The following MAB21L4 variants were observed in gnomAD, a reference collection of about 807,000 sequenced individuals.
The protein encoded by MAB21L4 is protein mab-21-like 4.
MAB21L4 carries 25 observed loss-of-function variants against 32.4 expected under a neutral mutation model. The observed-to-expected ratio is 0.77, with a 90% CI of 0.56 to 1.08. The LOEUF (loss-of-function observed/expected upper bound fraction) is 1.08. Among genes scored for constraint, MAB21L4 ranks in the 50% least tolerant of loss-of-function variants. The pLI is 0.00. For synonymous variants in MAB21L4, 280 were observed against 276.8 expected, an observed-to-expected ratio of 1.01 and a Z score of -0.11; for missense variants, 638 against 611.0, an observed-to-expected ratio of 1.04 and a Z score of -0.47.
chr2:240,891,522 A>C lies in MAB21L4; in HGVS notation c.740+16T>G, dbSNP rs1179291324. ...CCCCCTCCCCAAGAACCTTGTGACC[A>C]GGAGGGTGCGCCTACCTCCAGAGCT... On this transcript the variant is annotated intron_variant, in intron 2 of 4. Coordinates refer to ENST00000388934, the MANE Select transcript of MAB21L4 (RefSeq NM_001085437.3). The C allele has an allele frequency of 1.3e-6, 2 of 1,590,372 alleles. No individual in the cohort carries two copies. The highest frequency in any genetic ancestry group is 4.5e-5 in the East Asian group (2 of 44,552).
At chr2:240,892,245 C>G (rs2059156902) in intron 1 of MAB21L4, among the ~76,000 whole-genome samples, 2 of 152,294 alleles carry the variant, frequency 1.3e-5, no homozygotes, top group Admixed American at 6.5e-5. Flanking sequence ...GGGGAGGAGG[C>G]AGCAGCAGTC....
chr2:240,891,588 C>G lies in MAB21L4; in HGVS notation c.690G>C (p.Arg230Ser). The G allele has an allele frequency of 6.2e-7, 1 of 1,610,468 alleles. No homozygotes were observed. The highest frequency in any genetic ancestry group is 8.5e-7 in the Non-Finnish European group (1 of 1,179,820). Residue 230 changes from arginine to serine, a missense_variant, in exon 2 of 5, where the codon AGG becomes AGC. Arg to Ser is a moderately radical substitution (Grantham distance 110). Coordinates refer to ENST00000388934, the MANE Select transcript of MAB21L4 (RefSeq NM_001085437.3). The part of the protein sequence containing the change: ...MPGFPEGSLR[R>S]ILSQGVDLVP... ...CCAGGTCCACCCCTTGGCTGAGGAT[C>G]CTTCTCAAGCTGCCCTCAGGGAATC...
At chr2:240,891,229 A>C (rs4675864) in intron 2 of MAB21L4, among the ~76,000 whole-genome samples, 28,397 of 152,028 alleles carry the variant, frequency 0.19, 2,820 homozygotes, top group East Asian at 0.31. Flanking sequence ...CTGACCTCTC[A>C]GCTATTTTCC....
rs1156810904 is a variant in MAB21L4 at position 240,895,666 on chromosome 2, A to G, written c.332T>C (p.Leu111Pro). Residue 111 changes from leucine (L) to proline (P), a missense_variant, in exon 1 of 5, where the codon CTG (leucine) becomes CCG (proline). Coordinates refer to ENST00000388934, the MANE Select transcript of MAB21L4 (RefSeq NM_001085437.3). The part of the protein sequence containing the change: ...QPEDGLELCH[L>P]GVPREGAGLE... Reference sequence around the variant, plus strand: ...GCCAGCCCCTTCCCTGGGCACACCCAGGTGGCATAATTCAAGGCCATCCTC... The same window carrying G: ...GCCAGCCCCTTCCCTGGGCACACCCGGGTGGCATAATTCAAGGCCATCCTC... The G allele has an allele frequency of 6.2e-7, 1 of 1,612,938 alleles. No homozygotes were observed. The highest frequency in any genetic ancestry group is 8.5e-7 in the Non-Finnish European group (1 of 1,180,008).
intron 3 of MAB21L4, among the ~76,000 whole-genome samples, chr2:240,889,188 C>G (rs1243701592): frequency 6.6e-6 from 1 of 152,230 alleles, no homozygotes; most frequent in African/African-American, 2.4e-5. Context: ...TTCAAACCCT[C>G]TTCTCCCATG....
intron 1 of MAB21L4, chr2:240,892,130 C>T: frequency 1.6e-6 from 2 of 1,243,604 alleles, no homozygotes; most frequent in Non-Finnish European, 2.1e-6. Context: ...CCCAGGCCTT[C>T]CTGAGCCTGC....
intron 4 of MAB21L4, among the ~76,000 whole-genome samples, chr2:240,887,616 C>G (rs2059106817): frequency 6.6e-6 from 1 of 152,228 alleles, no homozygotes; most frequent in South Asian, 2.1e-4. Context: ...TAGGAGATGC[C>G]CAGCAGAGGG....
chr2:240,891,858 C>G, intron 1 of MAB21L4, 95 bp from the exon 2 acceptor site: 2 of 1,582,658 alleles, frequency 1.3e-6, no homozygotes, highest in Non-Finnish European at 1.7e-6. Flanking sequence ...GCCCCTGCCC[C>G]TCATCACCTC....
chr2:240,894,496 G>C (rs1162579279), intron 1 of MAB21L4, among the ~76,000 whole-genome samples: 1 of 152,130 alleles, frequency 6.6e-6, no homozygotes, highest in Non-Finnish European at 1.5e-5. Context: ...ACTCACCCTG[G>C]ACCATATCAA....
upstream of MAB21L4, among the ~76,000 whole-genome samples, chr2:240,896,538 G>A (rs2059188566): frequency 6.6e-6 from 1 of 152,186 alleles, no homozygotes; most frequent in African/African-American, 2.4e-5. Flanking sequence ...GTGAGGAAGG[G>A]GAGGCAGGGC....
chr2:240,887,058 AG>A lies in MAB21L4; in HGVS notation c.*11del. On this transcript the variant is annotated 3_prime_UTR_variant, in exon 5 of 5. Transcript: ENST00000388934. Reference sequence around the variant, plus strand: ...GAGCCAAGAACAGGTGGCTGAGACCAGGTGGCCCAGCTCAGCTCTCCTCGCC... The same window carrying A: ...GAGCCAAGAACAGGTGGCTGAGACCAGTGGCCCAGCTCAGCTCTCCTCGCC... The A allele has an allele frequency of 1.2e-6, 2 of 1,608,842 alleles. No homozygotes were observed. The highest frequency in any genetic ancestry group is 1.7e-6 in the Non-Finnish European group (2 of 1,175,314).
At chr2:240,891,919 AC>A in intron 1 of MAB21L4, 156 bp from the exon 2 acceptor site, 2 of 1,570,824 alleles carry the variant, frequency 1.3e-6, no homozygotes, top group Non-Finnish European at 8.6e-7. Context: ...CAGCTCCCCA[AC>A]CCCAGACACC....
chr2:240,894,797 C>CACAA (rs61681925), intron 1 of MAB21L4, among the ~76,000 whole-genome samples: 20,454 of 150,942 alleles, frequency 0.14, 1,682 homozygotes, highest in Non-Finnish European at 0.19. Context: ...GACTCAGTCT[C>CACAA]ACAAACAAAC....
intron 1 of MAB21L4, among the ~76,000 whole-genome samples, chr2:240,893,308 G>T (rs1163482197): frequency 6.6e-6 from 1 of 152,218 alleles, no homozygotes; most frequent in Non-Finnish European, 1.5e-5. Flanking sequence ...CAGTTCTGGG[G>T]ACGCCTCTGG....
chr2:240,891,641 C>T lies in MAB21L4; in HGVS notation c.637G>A (p.Ala213Thr). 1 of 1,609,100 alleles carries T rather than the reference C, an allele frequency of 6.2e-7. No individual in the cohort carries two copies. Among genetic ancestry groups the T allele is most frequent in the Non-Finnish European group, 8.5e-7 (1 of 1,179,972 alleles). ...GGCATCTGCTGCACCCCCTCCAGGG[C>T]AGGCGCCCCAAGCTTCCTTCTCACC... ...PVVRRKLGAP[A>T]LEGVQQMPGF... Residue 213 changes from alanine to threonine, a missense_variant, in exon 2 of 5, where the codon GCC (alanine) becomes ACC (threonine). By Grantham distance (58) the Ala-to-Thr change is moderately conservative. Coordinates refer to ENST00000388934, the MANE Select transcript of MAB21L4 (RefSeq NM_001085437.3).
intron 3 of MAB21L4, among the ~76,000 whole-genome samples, chr2:240,889,558 T>C (rs1442203637): frequency 2.0e-5 from 3 of 152,164 alleles, no homozygotes; most frequent in Non-Finnish European, 4.4e-5. Flanking sequence ...AAGGACAGGG[T>C]TCTGCAGAAT....
At chr2:240,887,257 CTCCCT>C in intron 4 of MAB21L4, 95 bp from the exon 5 acceptor site, 4 of 1,033,888 alleles carry the variant, frequency 3.9e-6, no homozygotes, top group Non-Finnish European at 6.0e-6. Flanking sequence ...ACAACTGGCC[CTCCCT>C]GGGCCATGCC....
chr2:240,895,741 C>T lies in MAB21L4; in HGVS notation c.257G>A (p.Trp86Ter). The change falls in exon 1 of 5, where the codon TGG becomes TAG. Residue 86 changes from tryptophan (W) to a stop codon, truncating the protein, a stop_gained. Coordinates refer to ENST00000388934, the MANE Select transcript of MAB21L4 (RefSeq NM_001085437.3). LOFTEE classifies it high-confidence loss of function. ...AATCAGTAGAGCCTCGGCATCCACCCACAGGGGCACCTCCATGTCCATTGG... is the reference window on the plus strand; with the variant it reads ...AATCAGTAGAGCCTCGGCATCCACCTACAGGGGCACCTCCATGTCCATTGG... ...EDPMDMEVPL[W>*]VDAEALLIEE... The T allele has an allele frequency of 1.2e-6, 2 of 1,612,908 alleles. No individual in the cohort carries two copies. Among genetic ancestry groups the T allele is most frequent in the South Asian group, 1.1e-5 (1 of 91,072 alleles).
chr2:240,894,723 T>C (rs1160747279), intron 1 of MAB21L4, among the ~76,000 whole-genome samples: 1 of 152,172 alleles, frequency 6.6e-6, no homozygotes, highest in Non-Finnish European at 1.5e-5. Flanking sequence ...GAGAATCGCT[T>C]GAACCCAGGA....
Sources: gnomAD v4.1 joint callset for allele counts (sites outside exome capture counted in the v4.1 genomes callset) on GRCh38, gnomAD v4.1.1 for gene constraint, MANE v1.5 for transcripts, NCBI Gene and HGNC (gene_info 2026-07-23, HGNC 2026-07-21) for gene names.